PDE4B: variants seen among roughly 807,000 people sequenced by gnomAD.
PDE4B encodes phosphodiesterase 4B, also known as 3',5'-cyclic-AMP phosphodiesterase 4B.
A neutral mutation model predicts 82.2 loss-of-function variants in PDE4B; 20 were observed. The observed-to-expected ratio is 0.24, with a 90% CI of 0.17 to 0.35. The LOEUF (loss-of-function observed/expected upper bound fraction) is 0.35, where lower values mean the gene tolerates loss of function less well. Ranked by LOEUF, PDE4B falls within the 10% of genes least tolerant of loss-of-function variation. The probability of loss-of-function intolerance (pLI) is 1.00; values close to 1 mark genes in which losing one functional copy is unlikely to be tolerated. For synonymous variants in PDE4B, 320 were observed against 318.9 expected, an observed-to-expected ratio of 1.00 and a Z score of -0.04; for missense variants, 655 against 907.2, an observed-to-expected ratio of 0.72 and a Z score of 3.57.
In PDE4B at chr1:66,162,648, A is replaced by T. The variant is rs78597894; in HGVS notation, c.282-84812A>T. Among the ~76,000 whole-genome samples, 921 of 152,200 alleles carry T rather than the reference A, an allele frequency of 6.1e-3. 23 individuals carry two copies. The highest frequency in any genetic ancestry group is 0.043 in the East Asian group (224 of 5,174). On this transcript the variant is annotated intron_variant, in intron 3 of 16. Coordinates refer to ENST00000341517, the MANE Select transcript of PDE4B (RefSeq NM_002600.4). ...ATTTGCATATACTTACTTGTTGAGC[A>T]TGCCAAATTTAAAAATCTGAAGCTC...
At chr1:66,331,924 T>A (rs1010608412) in intron 7 of PDE4B, 1 of 994,170 alleles carries the variant, frequency 1.0e-6, no homozygotes, top group East Asian at 1.1e-4. Context: ...TGCGGGTCAG[T>A]GTTCGCTGAA....
At chr1:66,274,758 G>C (rs376032735) in intron 7 of PDE4B, among the ~76,000 whole-genome samples, 1 of 152,126 alleles carries the variant, frequency 6.6e-6, no homozygotes. Context: ...TGTTATTAGT[G>C]TTATATAACA....
intron 3 of PDE4B, among the ~76,000 whole-genome samples, chr1:65,957,316 A>G (rs1053069941): frequency 6.6e-6 from 1 of 152,110 alleles, no homozygotes; most frequent in Non-Finnish European, 1.5e-5. Flanking sequence ...TAAAAGTTTT[A>G]AGGTTCGCCA....
At chr1:66,281,612 G>A (rs1050152410) in intron 7 of PDE4B, among the ~76,000 whole-genome samples, 2 of 152,184 alleles carry the variant, frequency 1.3e-5, no homozygotes, top group African/African-American at 2.4e-5. Flanking sequence ...CTGTGTTTTG[G>A]TAAATCAGTT....
intron 1 of PDE4B, among the ~76,000 whole-genome samples, chr1:65,883,233 A>C (rs2100349594): frequency 6.6e-6 from 1 of 152,288 alleles, no homozygotes; most frequent in Non-Finnish European, 1.5e-5. Context: ...TTGAATCTAT[A>C]AATTACTTTG....
At chr1:66,310,376 A>G (rs534806290) in intron 7 of PDE4B, among the ~76,000 whole-genome samples, 1 of 152,216 alleles carries the variant, frequency 6.6e-6, no homozygotes, top group African/African-American at 2.4e-5. Flanking sequence ...TGCCCTCAGG[A>G]GGTGGCTTCA....
chr1:66,092,982 T>C (rs1480569863), intron 3 of PDE4B, among the ~76,000 whole-genome samples: 4 of 152,128 alleles, frequency 2.6e-5, no homozygotes, highest in Non-Finnish European at 5.9e-5. Context: ...ATGTGGTTCA[T>C]AGTTACAATT....
chr1:66,186,929 C>G (rs1647242030), intron 3 of PDE4B, among the ~76,000 whole-genome samples: 1 of 152,190 alleles, frequency 6.6e-6, no homozygotes, highest in Admixed American at 6.5e-5. Context: ...AAAGGGAATC[C>G]TTCCAGTTTG....
rs569574129 is a variant in PDE4B at position 66,276,944 on chromosome 1, C to G, written c.634+10857C>G. On this transcript the variant is annotated intron_variant, in intron 7 of 16. Transcript: ENST00000341517. ...TTTTACGTAAAGCATTTAGAACACGCCTGGCACCCAGTAGTATTTAGTGTT... is the reference window on the plus strand; with the variant it reads ...TTTTACGTAAAGCATTTAGAACACGGCTGGCACCCAGTAGTATTTAGTGTT... Among the ~76,000 whole-genome samples, 18 of 152,224 alleles carry G rather than the reference C, an allele frequency of 1.2e-4. No individual in the cohort carries two copies. The South Asian group carries it at 3.3e-3, about 28-fold the overall frequency.
chr1:65,855,652 T>C lies in PDE4B; in HGVS notation c.-70-57593T>C, dbSNP rs1207466042. ...CGCATAGGTATGTCTTAATATTCAG[T>C]GGATTCAAGAAGATTTCTGTAAATA... On this transcript the variant is annotated intron_variant, in intron 1 of 16. Transcript: ENST00000341517. Among the ~76,000 whole-genome samples the C allele has an allele frequency of 2.6e-5, 4 of 152,206 alleles. No homozygotes were observed. The East Asian group carries it at 7.7e-4, about 29-fold the overall frequency.
At chr1:65,877,368 C>A (rs896167353) in intron 1 of PDE4B, among the ~76,000 whole-genome samples, 1 of 152,140 alleles carries the variant, frequency 6.6e-6, no homozygotes, top group African/African-American at 2.4e-5. Context: ...GTAATCCCAG[C>A]ACTTTGGGAG....
chr1:66,154,137 C>A (rs1646456201), intron 3 of PDE4B, among the ~76,000 whole-genome samples: 1 of 152,178 alleles, frequency 6.6e-6, no homozygotes, highest in South Asian at 2.1e-4. Flanking sequence ...AAGAGCTCCT[C>A]CCCTTGGTCC....
intron 1 of PDE4B, among the ~76,000 whole-genome samples, chr1:65,794,824 T>A (rs1645613031): frequency 1.3e-5 from 2 of 152,240 alleles, no homozygotes; most frequent in African/African-American, 4.8e-5. Context: ...TTTATCTATA[T>A]ATCTATCATC....
At chr1:66,315,557 G>A (rs1658968998) in intron 7 of PDE4B, among the ~76,000 whole-genome samples, 1 of 152,206 alleles carries the variant, frequency 6.6e-6, no homozygotes, top group Non-Finnish European at 1.5e-5. Flanking sequence ...GTGGGTTCAA[G>A]CGATGCTCCT....
chr1:65,881,198 A>G (rs566098306), intron 1 of PDE4B, among the ~76,000 whole-genome samples: 99 of 152,184 alleles, frequency 6.5e-4, no homozygotes, highest in Non-Finnish European at 1.1e-3. Context: ...GCTAGACTAC[A>G]CCATGCAGAC....
At chr1:66,137,297 A>G (rs1646077956) in intron 3 of PDE4B, among the ~76,000 whole-genome samples, 1 of 152,192 alleles carries the variant, frequency 6.6e-6, no homozygotes, top group Non-Finnish European at 1.5e-5. Flanking sequence ...TCAAGAGCAT[A>G]GTGAAGAGGT....
chr1:65,848,295 C>T (rs1475560636), intron 1 of PDE4B, among the ~76,000 whole-genome samples: 17 of 152,086 alleles, frequency 1.1e-4, no homozygotes, highest in South Asian at 4.2e-4. Context: ...TGTGCCACCA[C>T]GCATGGCTAA....
Position 66,073,148 on chromosome 1 carries a change from T to C in PDE4B, c.281+154313T>C, listed in dbSNP as rs116766349. 1.4e-3 allele frequency among the ~76,000 whole-genome samples: 210 copies of C among 152,190 alleles called. 2 individuals carry two copies. Among genetic ancestry groups the C allele is most frequent in the African/African-American group, 4.9e-3 (202 of 41,558 alleles). ...TTGTGATTCTCTGGGACAGGGATTGTGTCCTGCTGTGTCTGCTGTGAATTG... is the reference window on the plus strand; with the variant it reads ...TTGTGATTCTCTGGGACAGGGATTGCGTCCTGCTGTGTCTGCTGTGAATTG... On this transcript the variant is annotated intron_variant, in intron 3 of 16. Coordinates refer to ENST00000341517, the MANE Select transcript of PDE4B (RefSeq NM_002600.4).
At chr1:66,238,929 G>T (rs1444302676) in intron 3 of PDE4B, among the ~76,000 whole-genome samples, 1 of 152,142 alleles carries the variant, frequency 6.6e-6, no homozygotes, top group African/African-American at 2.4e-5. Flanking sequence ...CAATATTTTA[G>T]ATACAGGTTT....
Sources: allele counts gnomAD v4.1 joint callset (sites outside exome capture counted in the v4.1 genomes callset), GRCh38; gene constraint gnomAD v4.1.1; transcripts MANE v1.5; gene names NCBI Gene and HGNC (gene_info 2026-07-23, HGNC 2026-07-21).